MYO1F: variants seen among roughly 807,000 people sequenced by gnomAD.
The protein encoded by MYO1F is unconventional myosin-If.
MYO1F carries 60 observed loss-of-function variants against 146.6 expected under a neutral mutation model. The observed-to-expected ratio is 0.41, with a 90% confidence interval of 0.33 to 0.51. The LOEUF is 0.51. Ranked by LOEUF, MYO1F falls within the 20% of genes least tolerant of loss-of-function variation. The pLI, the probability that MYO1F is intolerant of heterozygous loss-of-function variation, is 0.25. For missense variants in MYO1F, 1,274 were observed against 1,534.3 expected, an observed-to-expected ratio of 0.83 and a Z score of 2.83; for synonymous variants, 602 against 602.1, an observed-to-expected ratio of 1.00 and a Z score of 0.00.
chr19:8,559,276 C>T (rs1045968417), intron 1 of MYO1F, among the ~76,000 whole-genome samples: 1 of 132,434 alleles, frequency 7.6e-6, no homozygotes. Context: ...AACTGTAAGG[C>T]AGAAGTGGAG....
intron 2 of MYO1F, 56 bp from the exon 3 acceptor site, chr19:8,554,799 C>T: frequency 6.7e-7 from 1 of 1,488,916 alleles, no homozygotes; most frequent in South Asian, 1.1e-5. Flanking sequence ...CTCCCTGTCC[C>T]CTCATCCTGC....
At chr19:8,541,861 C>T (rs1170364255) in intron 15 of MYO1F, 45 bp downstream of exon 15, 1 of 1,563,376 alleles carries the variant, frequency 6.4e-7, no homozygotes, top group Non-Finnish European at 8.8e-7. Context: ...CCTCCATCCC[C>T]TTGGGGGGTT....
intron 13 of MYO1F, 139 bp from the exon 14 acceptor site, chr19:8,544,603 G>C: frequency 1.1e-6 from 1 of 887,870 alleles, no homozygotes; most frequent in Non-Finnish European, 1.7e-6. Flanking sequence ...AGGGCACCAG[G>C]GGCTTCAAAT....
Position 8,539,974 on chromosome 19 carries a change from G to A in MYO1F, c.1665C>T (p.Arg555=), listed in dbSNP as rs764940593. Residue 555 remains arginine, a synonymous_variant, in exon 16 of 28, where the codon CGC becomes CGT. Coordinates refer to ENST00000644032, the MANE Select transcript of MYO1F (RefSeq NM_012335.4). Reference sequence around the variant, plus strand: ...TGATCTTGGAGCCGGCGGTGCTGGGGCGCCCCTTCTTGTCTCCATCCAGCT... The same window carrying A: ...TGATCTTGGAGCCGGCGGTGCTGGGACGCCCCTTCTTGTCTCCATCCAGCT... The part of the protein sequence containing the change: ...PEKLDGDKKG[R]PSTAGSKIKK... 1.9e-6 allele frequency: 3 copies of A among 1,612,576 alleles called. No homozygotes were observed. The African/African-American group carries it at 4.0e-5, about 22-fold the overall frequency.
Position 8,536,564 on chromosome 19 carries a change from C to T in MYO1F, c.1833G>A (p.Lys611=), listed in dbSNP as rs764376094. Residue 611 remains lysine (K), a synonymous_variant, in exon 18 of 28, where the codon AAG becomes AAA. Coordinates refer to ENST00000644032, the MANE Select transcript of MYO1F (RefSeq NM_012335.4). ...VKHQVEYLGL[K]ENIRVRRAGF... is the part of the protein sequence containing the mutation. The stretch of plus-strand genomic sequence containing the variant: ...CGGCTCTGCGCACCCTGATGTTCTC[C>T]TTCAGGCCCAGGTATTCCACCTGGT... The T allele has an allele frequency of 1.9e-6, 3 of 1,556,914 alleles. No individual in the cohort carries two copies. Among genetic ancestry groups the T allele is most frequent in the East Asian group, 4.9e-5 (2 of 40,938 alleles).
At chr19:8,527,535 C>G in intron 21 of MYO1F, 52 bp from the exon 22 acceptor site, 1 of 1,602,754 alleles carries the variant, frequency 6.2e-7, no homozygotes, top group Non-Finnish European at 8.5e-7. Flanking sequence ...CCAGCCTGGC[C>G]ACAGAGGATC....
In MYO1F at chr19:8,549,011, C is replaced by A. The variant is rs1324450387; in HGVS notation, c.1102-694G>T. ...GTTGCCCAGGCTGGAATGCCAGTGGCGCAATCTCGGCTCACTGAAACCTCT... is the reference window on the plus strand; with the variant it reads ...GTTGCCCAGGCTGGAATGCCAGTGGAGCAATCTCGGCTCACTGAAACCTCT... On this transcript the variant is annotated intron_variant, in intron 10 of 27. Transcript: ENST00000644032. Among the ~76,000 whole-genome samples the A allele has an allele frequency of 6.6e-5, 10 of 151,424 alleles. No individual in the cohort carries two copies. In the East Asian group the frequency reaches 2.0e-3, roughly 30 times the overall value.
chr19:8,539,221 C>G (rs1599942820), intron 16 of MYO1F, among the ~76,000 whole-genome samples: 1 of 151,976 alleles, frequency 6.6e-6, no homozygotes, highest in East Asian at 1.9e-4. Context: ...TCGAGAATAG[C>G]CTGGCCAACA....
intron 12 of MYO1F, among the ~76,000 whole-genome samples, chr19:8,546,486 A>G (rs1482065212): frequency 6.6e-6 from 1 of 151,538 alleles, no homozygotes; most frequent in African/African-American, 2.4e-5. Flanking sequence ...CAGCCTTCCG[A>G]GTAGCTGGGA....
At chr19:8,559,702 C>T (rs1385846290) in intron 1 of MYO1F, among the ~76,000 whole-genome samples, 3 of 152,034 alleles carry the variant, frequency 2.0e-5, no homozygotes, top group African/African-American at 7.2e-5. Context: ...GCAATCCCAG[C>T]ACTTTGGGAG....
intron 12 of MYO1F, 50 bp downstream of exon 12, chr19:8,547,986 A>ACCCCCCCCCCCCCCCCCCCCCC: frequency 3.6e-6 from 3 of 837,530 alleles, no homozygotes; most frequent in Non-Finnish European, 4.1e-6. Context: ...TGGTCCTTCC[A>ACCCCCCCCCCCCCCCCCCCCCC]CCCCACCCCC....
intron 6 of MYO1F, 112 bp downstream of exon 6, chr19:8,553,027 G>A: frequency 1.9e-6 from 2 of 1,063,366 alleles, no homozygotes; most frequent in Admixed American, 1.7e-5. Context: ...TTCCTGCTGG[G>A]TTTTCAATGG....
At position 8,550,201 on chromosome 19, in the gene MYO1F, C is replaced by A; in HGVS notation, c.1060G>T (p.Ala354Ser). 1 of 1,614,166 alleles carries A rather than the reference C, an allele frequency of 6.2e-7. No homozygotes were observed. ...AAGAGGCGGGCATAGAGCCCCTTGGCCAGGGCATCACGGGTGTAGGCTGCC... is the reference window on the plus strand; with the variant it reads ...AAGAGGCGGGCATAGAGCCCCTTGGACAGGGCATCACGGGTGTAGGCTGCC... ...EQAAYTRDAL[A>S]KGLYARLFDF... The change falls in exon 10 of 28, where the codon GCC becomes TCC. Residue 354 changes from alanine (A) to serine (S), a missense_variant. Ala to Ser is a moderately conservative substitution (Grantham distance 99). Around this residue, in one of 2 missense-constraint regions of MYO1F, gnomAD observed 900 missense variants for 1,155.1 expected, o/e 0.78. Coordinates refer to ENST00000644032, the MANE Select transcript of MYO1F (RefSeq NM_012335.4).
At chr19:8,527,021 T>C in intron 22 of MYO1F, 86 bp from the exon 23 acceptor site, 1 of 1,558,640 alleles carries the variant, frequency 6.4e-7, no homozygotes. Context: ...TGAAGGTGGA[T>C]TTAGGGAAGG....
At position 8,521,545 on chromosome 19, in the gene MYO1F, A is replaced by G; in HGVS notation, c.3280T>C (p.Tyr1094His). 1.9e-6 allele frequency: 3 copies of G among 1,614,182 alleles called. No individual in the cohort carries two copies. In the South Asian group the frequency reaches 3.3e-5, roughly 18 times the overall value. ...HGQEGLFPGN[Y>H]VEKI ...GGCCCAGCTCAGATCTTCTCCACGT[A>G]GTTTCCTGGGAAAAGGCCCTCCTGG... The change falls in exon 28 of 28, where the codon TAC (tyrosine) becomes CAC (histidine). Residue 1094 changes from tyrosine (Y) to histidine (H), a missense_variant. Physicochemically the swap from Tyr to His is moderately conservative, Grantham distance 83 (BLOSUM62 2). Transcript: ENST00000644032.
chr19:8,548,233 G>T lies in MYO1F; in HGVS notation c.1182+4C>A. The stretch of plus-strand genomic sequence containing the variant: ...GGATGTGGGCTGGAGGCAGGGGGCC[G>T]TACCTGGAAGATCTCGAAGCCGTAA... On this transcript the variant is annotated splice_donor_region_variant and intron_variant, in intron 11 of 27. Transcript: ENST00000644032. 1 of 1,613,916 alleles carries T rather than the reference G, an allele frequency of 6.2e-7. No individual in the cohort carries two copies. Among genetic ancestry groups the T allele is most frequent in the South Asian group, 1.1e-5 (1 of 91,070 alleles).
Position 8,525,466 on chromosome 19 carries a change from C to G in MYO1F, c.2854+13G>C, listed in dbSNP as rs373237499. 3 of 1,610,878 alleles carry G rather than the reference C, an allele frequency of 1.9e-6. No individual in the cohort carries two copies. The African/African-American group carries it at 4.0e-5, about 22-fold the overall frequency. Reference sequence around the variant, plus strand: ...ACAGACAAGGGAATATAGCAAGGGACGCAGCTCCTCACCTCTGGGGGGCGC... The same window carrying G: ...ACAGACAAGGGAATATAGCAAGGGAGGCAGCTCCTCACCTCTGGGGGGCGC... On this transcript the variant is annotated intron_variant, in intron 25 of 27. Transcript: ENST00000644032.
chr19:8,553,190 G>A lies in MYO1F; in HGVS notation c.453C>T (p.Leu151=), dbSNP rs778002010. The change falls in exon 6 of 28, where the codon CTC becomes CTT. Residue 151 remains leucine (L), a synonymous_variant. Coordinates refer to ENST00000644032, the MANE Select transcript of MYO1F (RefSeq NM_012335.4). ...CAGTCTTGGCGTTGCCGAAGGCCTC[G>A]AGCAGCGGGTTGGACTGCAGGATGA... ...KDIILQSNPL[L]EAFGNAKTVR... The A allele has an allele frequency of 8.7e-6, 14 of 1,614,166 alleles. No individual in the cohort carries two copies. The highest frequency in any genetic ancestry group is 1.7e-5 in the Admixed American group (1 of 60,002).
intron 12 of MYO1F, among the ~76,000 whole-genome samples, chr19:8,547,232 T>C (rs1226500154): frequency 7.1e-6 from 1 of 141,468 alleles, no homozygotes; most frequent in Non-Finnish European, 1.5e-5. Context: ...GCCCAGGAGG[T>C]GTAGACTGCA....
Sources: gnomAD v4.1 joint callset for allele counts (sites outside exome capture counted in the v4.1 genomes callset) on GRCh38, gnomAD v4.1.1 for gene constraint, gnomAD v4.1.1 regional missense constraint, MANE v1.5 for transcripts, NCBI Gene and HGNC (gene_info 2026-07-23, HGNC 2026-07-21) for gene names.